The following SLC25A16 variants were observed in gnomAD, a reference collection of about 807,000 sequenced individuals.
SLC25A16 encodes mitochondrial coenzyme A transporter SLC25A16.
Under a neutral mutation model 41.5 loss-of-function variants are expected in SLC25A16, and 39 were observed. The observed-to-expected ratio is 0.94, with a 90% CI of 0.73 to 1.23. The LOEUF (loss-of-function observed/expected upper bound fraction) is 1.23, where lower values mean the gene tolerates loss of function less well. Among genes scored for constraint, SLC25A16 ranks in the 50% most tolerant of loss-of-function variants. The pLI, the probability that SLC25A16 is intolerant of heterozygous loss-of-function variation, is 0.00. For missense variants in SLC25A16, 421 were observed against 426.9 expected (o/e 0.99, Z 0.12); for synonymous variants, 146 against 147.8 (o/e 0.99, Z 0.09).
At chr10:68,506,068 T>A (rs2052948206) in intron 3 of SLC25A16, among the ~76,000 whole-genome samples, 1 of 151,814 alleles carries the variant, frequency 6.6e-6, no homozygotes, top group African/African-American at 2.4e-5. Context: ...AATAAATAAC[T>A]CATAAATGAC....
intron 6 of SLC25A16, among the ~76,000 whole-genome samples, chr10:68,490,214 AATTGCACCACTGCACTCAGCTATG>A (rs1374476997): frequency 2.0e-5 from 3 of 151,748 alleles, no homozygotes; most frequent in East Asian, 2.0e-4. Context: ...AGTGAGCCAC[AATTGCACCACTGCACTCAGCTATG>A]ATTGCACCAC....
intron 4 of SLC25A16, chr10:68,499,486 C>A (rs762300846): frequency 6.7e-5 from 11 of 164,660 alleles, no homozygotes; most frequent in Non-Finnish European, 1.2e-4. Context: ...AAATACAAAC[C>A]CTTCTCTTCC....
At chr10:68,514,972 A>T (rs1446835141) in intron 2 of SLC25A16, among the ~76,000 whole-genome samples, 1 of 151,646 alleles carries the variant, frequency 6.6e-6, no homozygotes, top group Non-Finnish European at 1.5e-5. Context: ...TCCTGACCTC[A>T]GGTGATCTTC....
intron 4 of SLC25A16, chr10:68,499,821 T>C: frequency 2.1e-6 from 1 of 476,472 alleles, no homozygotes; most frequent in Non-Finnish European, 4.0e-6. Context: ...ACTATCCATG[T>C]AGACATTCAC....
intron 2 of SLC25A16, among the ~76,000 whole-genome samples, chr10:68,508,890 G>A (rs1443589069): frequency 6.6e-6 from 1 of 152,014 alleles, no homozygotes; most frequent in African/African-American, 2.4e-5. Flanking sequence ...GTATCGAGGG[G>A]GTTTCAACTA....
At chr10:68,513,238 G>A (rs1590120708) in intron 2 of SLC25A16, among the ~76,000 whole-genome samples, 2 of 148,988 alleles carry the variant, frequency 1.3e-5, no homozygotes, top group Non-Finnish European at 3.0e-5. Flanking sequence ...GTGAAACCCC[G>A]TCTTTACCAA....
At chr10:68,512,354 T>TTCACTCCTGGATA (rs1590119563) in intron 2 of SLC25A16, among the ~76,000 whole-genome samples, 1 of 125,822 alleles carries the variant, frequency 7.9e-6, no homozygotes, top group Non-Finnish European at 1.7e-5. Flanking sequence ...ATAAATGATA[T>TTCACTCCTGGATA]TGGCCGGGCG....
chr10:68,483,480 C>T lies in SLC25A16; in HGVS notation c.951G>A (p.Val317=), dbSNP rs140264731. The change falls in exon 9 of 9, where the codon GTG becomes GTA. Residue 317 remains valine (V), a synonymous_variant. Coordinates refer to ENST00000609923, the MANE Select transcript of SLC25A16 (RefSeq NM_152707.4). ...TCATAAGTTCGTATGTTGTAAAAGC[C>T]ACTGCTTGAGAGGGAATACAGCGAA... The part of the protein sequence containing the change: ...NYIRCIPSQA[V]AFTTYELMKQ... The T allele has an allele frequency of 6.2e-7, 1 of 1,609,914 alleles. No homozygotes were observed. The highest frequency in any genetic ancestry group is 8.5e-7 in the Non-Finnish European group (1 of 1,178,590).
intron 4 of SLC25A16, among the ~76,000 whole-genome samples, chr10:68,501,225 T>A (rs12782037): frequency 0.046 from 6,956 of 151,686 alleles, 177 homozygotes; most frequent in Middle Eastern, 0.061. Context: ...CACTCCAACC[T>A]GGGCGACAGA....
chr10:68,526,291 A>T (rs2053337180), intron 1 of SLC25A16, among the ~76,000 whole-genome samples: 1 of 152,116 alleles, frequency 6.6e-6, no homozygotes, highest in African/African-American at 2.4e-5. Context: ...ACTGCTTTGT[A>T]AAGCATTGAG....
intron 2 of SLC25A16, among the ~76,000 whole-genome samples, chr10:68,512,855 T>C (rs1302185132): frequency 1.3e-5 from 2 of 150,474 alleles, no homozygotes; most frequent in African/African-American, 4.9e-5. Context: ...CTGACCAACA[T>C]AGTGAAACCC....
chr10:68,490,697 A>C (rs1164339073), intron 6 of SLC25A16, among the ~76,000 whole-genome samples: 1 of 152,000 alleles, frequency 6.6e-6, no homozygotes, highest in African/African-American at 2.4e-5. Context: ...GGAAAAAAAA[A>C]AACTTCCTTA....
At chr10:68,487,368 C>T (rs2052582555) in intron 7 of SLC25A16, among the ~76,000 whole-genome samples, 156 bp from the exon 8 acceptor site, 1 of 152,122 alleles carries the variant, frequency 6.6e-6, no homozygotes, top group Non-Finnish European at 1.5e-5. Context: ...TGAATAAAAT[C>T]AATTAACAAT....
chr10:68,524,692 A>G (rs1288900231), intron 1 of SLC25A16, among the ~76,000 whole-genome samples: 1 of 143,820 alleles, frequency 7.0e-6, no homozygotes, highest in Non-Finnish European at 1.5e-5. Flanking sequence ...TGGGCTACAT[A>G]GTGAGACTCC....
chr10:68,484,137 T>C (rs1183374161), intron 8 of SLC25A16, among the ~76,000 whole-genome samples: 1 of 152,196 alleles, frequency 6.6e-6, no homozygotes, highest in African/African-American at 2.4e-5. Flanking sequence ...GTTTGTACTA[T>C]GTCTATGACA....
At chr10:68,514,306 C>A (rs148165887) in intron 2 of SLC25A16, among the ~76,000 whole-genome samples, 3,692 of 152,146 alleles carry the variant, frequency 0.024, 158 homozygotes, top group African/African-American at 0.084. Context: ...ACCAGCCTGG[C>A]CAATATGGTG....
At position 68,527,446 on chromosome 10, in the gene SLC25A16, A is replaced by T; in HGVS notation, c.-71T>A. The stretch of plus-strand genomic sequence containing the variant: ...CACCGGACGGGACCATAGCCGGAAC[A>T]GGCGGTGACAGGAGGCTGACCGCCC... On this transcript the variant is annotated 5_prime_UTR_variant, in exon 1 of 9. Coordinates refer to ENST00000609923, the MANE Select transcript of SLC25A16 (RefSeq NM_152707.4). 1 of 1,374,252 alleles carries T rather than the reference A, an allele frequency of 7.3e-7. No homozygotes were observed. Among genetic ancestry groups the T allele is most frequent in the Non-Finnish European group, 9.4e-7 (1 of 1,063,930 alleles). 85.1% of individuals were successfully genotyped at this position (1,374,252 alleles called of 1,614,324 possible). A position where few individuals can be genotyped will look rare whatever the true frequency, so the allele number is the denominator to read the frequency against.
chr10:68,518,811 T>A (rs558368328), intron 1 of SLC25A16, among the ~76,000 whole-genome samples: 66 of 86,496 alleles, frequency 7.6e-4, no homozygotes, highest in East Asian at 4.5e-3. Flanking sequence ...ATAAATAAAT[T>A]AAATAAATAA....
chr10:68,506,668 A>G lies in SLC25A16; in HGVS notation c.274T>C (p.Leu92=). ...AVPQKEGFLG[L]YKGNGAMMIR... ...ATCATTGCACCATTTCCTTTATACA[A>G]TCCAAGGAATCCTTCTTTTTGAGGA... The change falls in exon 3 of 9, where the codon TTG becomes CTG. Residue 92 remains leucine, a synonymous_variant. Coordinates refer to ENST00000609923, the MANE Select transcript of SLC25A16 (RefSeq NM_152707.4). 1.9e-6 allele frequency: 3 copies of G among 1,592,032 alleles called. No homozygotes were observed. Among genetic ancestry groups the G allele is most frequent in the Non-Finnish European group, 2.6e-6 (3 of 1,165,436 alleles).
Sources: allele counts gnomAD v4.1 joint callset (sites outside exome capture counted in the v4.1 genomes callset), GRCh38; gene constraint gnomAD v4.1.1; transcripts MANE v1.5; gene names NCBI Gene and HGNC (gene_info 2026-07-23, HGNC 2026-07-21).